The following CPNE7 variants were observed in gnomAD, a reference collection of about 807,000 sequenced individuals.
CPNE7 encodes copine-7.
Under a neutral mutation model 66.5 loss-of-function variants are expected in CPNE7, and 78 were observed. That is an observed-to-expected ratio of 1.17 (90% CI 0.98 to 1.42). CPNE7 has a LOEUF of 1.42. CPNE7 is among the 40% of genes most tolerant of loss of function. The pLI is 0.00. For synonymous variants in CPNE7, 468 were observed against 336.7 expected (o/e 1.39, Z -4.27); for missense variants, 1,012 against 776.6 (o/e 1.30, Z -3.60).
At chr16:89,595,961 C>T (rs957685280) in intron 14 of CPNE7, 13 of 514,606 alleles carry the variant, frequency 2.5e-5, no homozygotes, top group South Asian at 1.2e-4. Context: ...ACAGCACACA[C>T]GTGAGGTTCT....
In CPNE7 at chr16:89,589,893, C is replaced by A. The variant is rs368045625; in HGVS notation, c.1062-4C>A. The A allele has an allele frequency of 4.9e-5, 79 of 1,613,644 alleles. No homozygotes were observed. The highest frequency in any genetic ancestry group is 6.4e-5 in the Non-Finnish European group (76 of 1,179,958). ...CTCCTGGTGACCTCCTGCCTCTCTTCCAGTGACAAGAGGTTTTCCGCTTTG... is the reference window on the plus strand; with the variant it reads ...CTCCTGGTGACCTCCTGCCTCTCTTACAGTGACAAGAGGTTTTCCGCTTTG... On this transcript the variant is annotated splice_region_variant and splice_polypyrimidine_tract_variant and intron_variant, in intron 10 of 14. Coordinates refer to ENST00000319518, the MANE Select transcript of CPNE7 (RefSeq NM_153636.3).
At chr16:89,577,281 C>T (rs546399539) in intron 1 of CPNE7, among the ~76,000 whole-genome samples, 3 of 152,284 alleles carry the variant, frequency 2.0e-5, no homozygotes, top group South Asian at 2.1e-4. Context: ...CCCGACTCAG[C>T]GTGTCATTCT....
In CPNE7 at chr16:89,584,672, G is replaced by A. The variant is rs1019216114; in HGVS notation, c.508-102G>A. 15 of 815,864 alleles carry A rather than the reference G, an allele frequency of 1.8e-5. No homozygotes were observed. Among genetic ancestry groups the A allele is most frequent in the African/African-American group, 1.7e-4 (10 of 59,552 alleles). 50.5% of individuals were successfully genotyped at this position (815,864 alleles called of 1,614,324 possible). A position where few individuals can be genotyped will look rare whatever the true frequency, so the allele number is the denominator to read the frequency against. ...CTCGTTTTGTGCCTGAGGAATTAGC[G>A]GCTGGTGGCATGAAGTGAGCCCTGG... On this transcript the variant is annotated intron_variant, in intron 4 of 14. Transcript: ENST00000319518. The surrounding 1 kb of genome is among the most constrained non-coding windows in gnomAD (Gnocchi z 6.0).
At chr16:89,585,990 G>A (rs2059031875) in intron 7 of CPNE7, among the ~76,000 whole-genome samples, 1 of 118,080 alleles carries the variant, frequency 8.5e-6, no homozygotes, top group Non-Finnish European at 1.8e-5. Context: ...CCTTTGGGGA[G>A]GTTCAGGTGA....
chr16:89,593,415 C>T (rs1260161744), intron 13 of CPNE7, among the ~76,000 whole-genome samples: 1 of 150,650 alleles, frequency 6.6e-6, no homozygotes, highest in Non-Finnish European at 1.5e-5. Flanking sequence ...TGCAGTGGCG[C>T]GATCTTGGTT....
intron 13 of CPNE7, among the ~76,000 whole-genome samples, chr16:89,593,634 G>A (rs530860987): frequency 6.6e-6 from 1 of 152,194 alleles, no homozygotes; most frequent in South Asian, 2.1e-4. Context: ...TTACAGGCGT[G>A]AGCCACCGCG....
chr16:89,596,424 A>G, intron 14 of CPNE7, 60 bp from the exon 15 acceptor site: 5 of 1,549,726 alleles, frequency 3.2e-6, no homozygotes, highest in African/African-American at 1.4e-5. Flanking sequence ...ATCCAGTTGC[A>G]GGGACGGATG....
chr16:89,588,666 C>A lies in CPNE7; in HGVS notation c.928-9C>A, dbSNP rs751454708. The A allele has an allele frequency of 1.2e-6, 2 of 1,612,882 alleles. No homozygotes were observed. Among genetic ancestry groups the A allele is most frequent in the Admixed American group, 1.7e-5 (1 of 59,988 alleles). The stretch of plus-strand genomic sequence containing the variant: ...CCCAGCACAGCTCCTGGCTCCCGGC[C>A]CACTGCAGGTGGCCATTGACTTCAC... On this transcript the variant is annotated splice_polypyrimidine_tract_variant and intron_variant, in intron 9 of 14. Transcript: ENST00000319518.
chr16:89,586,334 A>G (rs1452564339), intron 7 of CPNE7, among the ~76,000 whole-genome samples: 2 of 151,986 alleles, frequency 1.3e-5, no homozygotes, highest in Non-Finnish European at 1.5e-5. Context: ...AGGTGGGGCC[A>G]AGGGGTGCCC....
chr16:89,576,016 C>A lies in CPNE7; in HGVS notation c.119C>A (p.Thr40Asn). The change falls in exon 1 of 15, where the codon ACC (threonine) becomes AAC (asparagine). Residue 40 changes from threonine (T) to asparagine (N), a missense_variant. Transcript: ENST00000319518. The part of the protein sequence containing the change: ...CRHLLDRDPL[T>N]KSDPSVALLQ... ...CACCTGCTGGACCGCGACCCGCTCACCAAGTCCGACCCCAGCGTGGCGTTG... is the reference window on the plus strand; with the variant it reads ...CACCTGCTGGACCGCGACCCGCTCAACAAGTCCGACCCCAGCGTGGCGTTG... The A allele has an allele frequency of 7.4e-7, 1 of 1,358,398 alleles. No individual in the cohort carries two copies. The highest frequency in any genetic ancestry group is 9.5e-7 in the Non-Finnish European group (1 of 1,054,740). The allele number at this position is 1,358,398 out of a possible 1,614,324, so 84.1% of individuals were successfully genotyped here.
chr16:89,594,501 G>C (rs899807511), intron 13 of CPNE7, among the ~76,000 whole-genome samples: 3 of 152,230 alleles, frequency 2.0e-5, no homozygotes, highest in African/African-American at 7.2e-5. Context: ...GCCCAGGGGA[G>C]GCTGCTGTGG....
At chr16:89,577,512 G>A in intron 1 of CPNE7, 27 bp from the exon 2 acceptor site, 1 of 1,549,168 alleles carries the variant, frequency 6.5e-7, no homozygotes, top group South Asian at 1.2e-5. Context: ...CCTCTGGAGT[G>A]GGGTCGGCTC....
Position 89,594,895 on chromosome 16 carries a change from G to A in CPNE7, c.1303-472G>A, listed in dbSNP as rs375056394. Among the ~76,000 whole-genome samples the A allele has an allele frequency of 5.3e-5, 8 of 151,830 alleles. No individual in the cohort carries two copies. The South Asian group carries it at 6.2e-4, about 12-fold the overall frequency. On this transcript the variant is annotated intron_variant, in intron 13 of 14. Transcript: ENST00000319518. ...TCGAACTCCTGACCTCAGGTGATCC[G>A]CCCGCCTCGGCCTCCCAAAGTGCTG...
Position 89,585,554 on chromosome 16 carries a change from G to T in CPNE7, c.681+1G>T. On this transcript the variant is annotated splice_donor_variant, in intron 6 of 14. Coordinates refer to ENST00000319518, the MANE Select transcript of CPNE7 (RefSeq NM_153636.3). LOFTEE classifies it high-confidence loss of function. ...CTGCGAGGAGACAAGGCCTCTAAAG[G>T]TGGGGGACGGGATGGACCAAGGGGG... 1 of 1,609,816 alleles carries T rather than the reference G, an allele frequency of 6.2e-7. No individual in the cohort carries two copies. Among genetic ancestry groups the T allele is most frequent in the Non-Finnish European group, 8.5e-7 (1 of 1,178,168 alleles).
chr16:89,589,813 C>G, intron 10 of CPNE7, 84 bp from the exon 11 acceptor site: 2 of 1,473,204 alleles, frequency 1.4e-6, no homozygotes, highest in Non-Finnish European at 1.9e-6. Context: ...GTCTTTTGGG[C>G]GCCAGTCATG....
At position 89,577,541 on chromosome 16, in the gene CPNE7, G is replaced by C; in HGVS notation, c.177G>C (p.Val59=). Residue 59 remains valine (V), a splice_region_variant and synonymous_variant, in exon 2 of 15, where the codon GTG becomes GTC. Coordinates refer to ENST00000319518, the MANE Select transcript of CPNE7 (RefSeq NM_153636.3). The part of the protein sequence containing the change: ...LQQAQGQWVQ[V]GRTEVVRSSL... ...TCGGCTCACAGGTGCACTTGCAGGT[G>C]GGCAGAACCGAGGTGGTCCGGAGCA... 1 of 1,551,378 alleles carries C rather than the reference G, an allele frequency of 6.4e-7. No individual in the cohort carries two copies. The highest frequency in any genetic ancestry group is 2.4e-5 in the East Asian group (1 of 40,928).
rs57032352 is a variant in CPNE7 at position 89,594,642 on chromosome 16, C to CTTT, written c.1303-698_1303-696dup. Among the ~76,000 whole-genome samples, 63 of 86,904 alleles carry CTTT rather than the reference C, an allele frequency of 7.2e-4. 21 individuals carry two copies. The East Asian group carries it at 0.028, about 39-fold the overall frequency. 57.0% of individuals were successfully genotyped at this position (86,904 alleles called of 152,430 possible). A position where few individuals can be genotyped will look rare whatever the true frequency, so the allele number is the denominator to read the frequency against. On this transcript the variant is annotated intron_variant, in intron 13 of 14. Transcript: ENST00000319518. ...GATTTTATTTGAAGTTCCATTCTGC[C>CTTT]TTTTTTTTTTTTTTTTTTTTTTTTT...
At chr16:89,588,408 T>C (rs1418748162) in intron 9 of CPNE7, among the ~76,000 whole-genome samples, 3 of 152,056 alleles carry the variant, frequency 2.0e-5, no homozygotes, top group Non-Finnish European at 4.4e-5. Flanking sequence ...CTAAGAAGGA[T>C]GGGCGGGGCC....
At chr16:89,595,269 C>T in intron 13 of CPNE7, 98 bp from the exon 14 acceptor site, 1 of 949,466 alleles carries the variant, frequency 1.1e-6, no homozygotes, top group Non-Finnish European at 1.6e-6. Context: ...AGCTCTGACG[C>T]ACGGAGGCAC....
Sources: gnomAD v4.1 joint callset for allele counts (sites outside exome capture counted in the v4.1 genomes callset) on GRCh38, gnomAD v4.1.1 for gene constraint, Gnocchi (gnomAD v3.1) non-coding constraint, MANE v1.5 for transcripts, NCBI Gene and HGNC (gene_info 2026-07-23, HGNC 2026-07-21) for gene names.